STXBP6: variants seen among roughly 807,000 people sequenced by gnomAD.
STXBP6 encodes syntaxin-binding protein 6.
Under a neutral mutation model 26.9 loss-of-function variants are expected in STXBP6, and 21 were observed. That is an observed-to-expected ratio of 0.78 (90% CI 0.55 to 1.12). The LOEUF (loss-of-function observed/expected upper bound fraction) is 1.12, where lower values mean the gene tolerates loss of function less well. STXBP6 is among the 50% of genes most tolerant of loss of function. The pLI is 0.00. For synonymous variants in STXBP6, 97 were observed against 92.6 expected (o/e 1.05, Z -0.27); for missense variants, 232 against 257.9 (o/e 0.90, Z 0.69).
rs1177370989 is a variant in STXBP6, at chr14:24,868,122, C to T, written c.155-10965G>A. Among the ~76,000 whole-genome samples, 7 of 152,160 alleles carry T rather than the reference C, an allele frequency of 4.6e-5. No homozygotes were observed. In the South Asian group the frequency reaches 6.2e-4, roughly 14 times the overall value. ...GCTGAGGTGGGAGGATTGCCTGAGC[C>T]GGGGAGGCAGAAGTTGCAGTGAGCT... On this transcript the variant is annotated intron_variant, in intron 2 of 5. Coordinates refer to ENST00000323944, the MANE Select transcript of STXBP6 (RefSeq NM_001394410.1).
chr14:25,026,831 C>G (rs774598264), intron 1 of STXBP6, among the ~76,000 whole-genome samples: 6 of 152,102 alleles, frequency 3.9e-5, no homozygotes, highest in Non-Finnish European at 8.8e-5. Flanking sequence ...AAATGGCCAT[C>G]ATCACTAGCA....
chr14:24,824,883 AAC>A (rs1408050515), intron 4 of STXBP6, among the ~76,000 whole-genome samples: 1 of 152,226 alleles, frequency 6.6e-6, no homozygotes, highest in Non-Finnish European at 1.5e-5. Context: ...CAGTTAAGGA[AAC>A]ACATGCACAG....
chr14:24,826,019 AAC>A (rs34011758), intron 4 of STXBP6, among the ~76,000 whole-genome samples: 20,836 of 152,128 alleles, frequency 0.14, 1,836 homozygotes, highest in Non-Finnish European at 0.2. Context: ...AATTTGGTAA[AAC>A]AGATTTTGTT....
intron 2 of STXBP6, among the ~76,000 whole-genome samples, chr14:24,952,928 T>C (rs2073220605): frequency 6.6e-6 from 1 of 152,208 alleles, no homozygotes; most frequent in Non-Finnish European, 1.5e-5. Flanking sequence ...TTCATGAGCA[T>C]ATGCAAATGC....
At chr14:24,994,154 T>G (rs1015960399) in intron 1 of STXBP6, among the ~76,000 whole-genome samples, 10 of 152,202 alleles carry the variant, frequency 6.6e-5, no homozygotes, top group African/African-American at 2.4e-4. Context: ...CATGAAGTAC[T>G]TGGTACCAGG....
At chr14:24,940,936 A>C (rs2072780256) in intron 2 of STXBP6, among the ~76,000 whole-genome samples, 1 of 152,020 alleles carries the variant, frequency 6.6e-6, no homozygotes, top group Non-Finnish European at 1.5e-5. Context: ...AATTGCTTGA[A>C]CCCAGGAGGC....
At chr14:24,813,906 A>G (rs922406979) in intron 5 of STXBP6, among the ~76,000 whole-genome samples, 1 of 152,216 alleles carries the variant, frequency 6.6e-6, no homozygotes, top group Non-Finnish European at 1.5e-5. Flanking sequence ...GACAGGGTCA[A>G]CACTCACAAC....
chr14:25,009,296 C>T (rs2140369663), intron 1 of STXBP6, among the ~76,000 whole-genome samples: 1 of 152,278 alleles, frequency 6.6e-6, no homozygotes, highest in Non-Finnish European at 1.5e-5. Context: ...AAACATACAG[C>T]TTTGAAGCTT....
At chr14:24,952,035 T>C (rs539802340) in intron 2 of STXBP6, among the ~76,000 whole-genome samples, 1 of 151,044 alleles carries the variant, frequency 6.6e-6, no homozygotes, top group South Asian at 2.1e-4. Flanking sequence ...ATATATATAA[T>C]ATACACATAT....
intron 2 of STXBP6, among the ~76,000 whole-genome samples, chr14:24,860,236 T>C: frequency 6.6e-6 from 1 of 152,156 alleles, no homozygotes; most frequent in Non-Finnish European, 1.5e-5. Context: ...ACCTTGCCTG[T>C]GCCCAATCAG....
intron 1 of STXBP6, among the ~76,000 whole-genome samples, chr14:25,008,870 C>T (rs1460080935): frequency 6.6e-6 from 1 of 152,110 alleles, no homozygotes; most frequent in Non-Finnish European, 1.5e-5. Flanking sequence ...GCTTTTAAAT[C>T]CCAAAACGAA....
At chr14:24,896,856 TG>T (rs2071008405) in intron 2 of STXBP6, among the ~76,000 whole-genome samples, 1 of 152,038 alleles carries the variant, frequency 6.6e-6, no homozygotes, top group African/African-American at 2.4e-5. Context: ...TAAGCATGTC[TG>T]GGGTATGTCT....
chr14:24,940,430 GAAGT>G (rs964656384), intron 2 of STXBP6, among the ~76,000 whole-genome samples: 1 of 152,196 alleles, frequency 6.6e-6, no homozygotes, highest in African/African-American at 2.4e-5. Context: ...AGAAACCCAT[GAAGT>G]ATGTGATGTG....
At chr14:24,866,124 C>G (rs2069710156) in intron 2 of STXBP6, among the ~76,000 whole-genome samples, 1 of 152,184 alleles carries the variant, frequency 6.6e-6, no homozygotes, top group East Asian at 1.9e-4. Flanking sequence ...GCACATGACC[C>G]TCCTTGATGT....
intron 2 of STXBP6, among the ~76,000 whole-genome samples, chr14:24,898,876 A>G (rs2071099598): frequency 6.6e-6 from 1 of 152,204 alleles, no homozygotes; most frequent in South Asian, 2.1e-4. Flanking sequence ...ACCAGAAGAA[A>G]ACAAAATTGA....
At chr14:25,021,046 A>T (rs1029061503) in intron 1 of STXBP6, among the ~76,000 whole-genome samples, 5 of 151,964 alleles carry the variant, frequency 3.3e-5, no homozygotes, top group African/African-American at 1.2e-4. Flanking sequence ...CACTCTCCTC[A>T]ATGACTAGTT....
At chr14:24,898,138 T>C (rs770748406) in intron 2 of STXBP6, among the ~76,000 whole-genome samples, 1 of 152,146 alleles carries the variant, frequency 6.6e-6, no homozygotes, top group East Asian at 1.9e-4. Context: ...AGAGGAAAAA[T>C]GTTCTTTGCT....
chr14:24,994,503 C>T (rs1200737378), intron 1 of STXBP6, among the ~76,000 whole-genome samples: 2 of 152,184 alleles, frequency 1.3e-5, no homozygotes, highest in African/African-American at 2.4e-5. Context: ...TTGTATATTG[C>T]CCCTAACCAT....
At chr14:24,943,424 C>A (rs1395772427) in intron 2 of STXBP6, among the ~76,000 whole-genome samples, 1 of 152,190 alleles carries the variant, frequency 6.6e-6, no homozygotes, top group Non-Finnish European at 1.5e-5. Context: ...GAAGCCACTG[C>A]TTCTTTGGGC....
Sources: gnomAD v4.1 joint callset for allele counts (sites outside exome capture counted in the v4.1 genomes callset) on GRCh38, gnomAD v4.1.1 for gene constraint, MANE v1.5 for transcripts, NCBI Gene and HGNC (gene_info 2026-07-23, HGNC 2026-07-21) for gene names.